STARD13: variants seen among roughly 807,000 people sequenced by gnomAD.
STARD13 encodes the protein stAR-related lipid transfer protein 13.
A neutral mutation model predicts 106.4 loss-of-function variants in STARD13; 62 were observed. The ratio of observed to expected loss-of-function variants is 0.58; its 90% CI spans 0.48 to 0.72. The LOEUF (loss-of-function observed/expected upper bound fraction) is 0.72. Among genes scored for constraint, STARD13 ranks in the 30% least tolerant of loss-of-function variants. The pLI is 0.00. For synonymous variants in STARD13, 565 were observed against 553.0 expected (o/e 1.02, Z -0.31); for missense variants, 1,387 against 1,424.0 (o/e 0.97, Z 0.42).
the STARD13 span, among the ~76,000 whole-genome samples, chr13:33,490,497 A>G: frequency 6.6e-6 from 1 of 152,268 alleles, no homozygotes. Context: ...CGGCAGAGAG[A>G]AAGAAGAGTA....
the STARD13 span, among the ~76,000 whole-genome samples, chr13:33,374,757 A>C: frequency 1.3e-5 from 2 of 152,152 alleles, no homozygotes; most frequent in African/African-American, 4.8e-5. Context: ...TGGAAGCTAA[A>C]ATCTTGGGGG....
At chr13:33,549,142 A>G in the STARD13 span, among the ~76,000 whole-genome samples, 50 of 152,338 alleles carry the variant, frequency 3.3e-4, no homozygotes, top group African/African-American at 1.1e-3. Flanking sequence ...AGTTCAGCAA[A>G]GGACATCTTG....
In STARD13 at chr13:33,295,922, C is replaced by A. The variant is rs2138446091; in HGVS notation, c.124+54368G>T. Reference sequence around the variant, plus strand: ...ATAAGACAGATTAGTATTCAAATCACCATGACAGGCCAGGCACAGTGGTTC... The same window carrying A: ...ATAAGACAGATTAGTATTCAAATCAACATGACAGGCCAGGCACAGTGGTTC... On this transcript the variant is annotated intron_variant, in intron 1 of 5. Coordinates refer to the STARD13 transcript ENST00000567873. 1.3e-5 allele frequency among the ~76,000 whole-genome samples: 2 copies of A among 151,918 alleles called. 1 individual carries two copies. Among genetic ancestry groups the A allele is most frequent in the South Asian group, 4.2e-4 (2 of 4,792 alleles).
At chr13:33,502,956 G>A in the STARD13 span, among the ~76,000 whole-genome samples, 1 of 152,182 alleles carries the variant, frequency 6.6e-6, no homozygotes, top group African/African-American at 2.4e-5. Flanking sequence ...CAGAAGGAAT[G>A]GTACCAGCTC....
intron 1 of STARD13, among the ~76,000 whole-genome samples, chr13:33,246,348 A>G (rs556294904): frequency 1.3e-5 from 2 of 152,240 alleles, no homozygotes; most frequent in South Asian, 4.1e-4. Context: ...CTTTCTATGC[A>G]CCTAATGTAC....
chr13:33,392,280 G>A, the STARD13 span, among the ~76,000 whole-genome samples: 4 of 152,178 alleles, frequency 2.6e-5, no homozygotes, highest in South Asian at 8.3e-4. Context: ...CAGGCTGGAT[G>A]TGTGGATGGG....
At position 33,130,184 on chromosome 13, in the gene STARD13, G is replaced by A; in HGVS notation, c.493C>T (p.Arg165Ter). 1.2e-6 allele frequency: 2 copies of A among 1,613,700 alleles called. No homozygotes were observed. Among genetic ancestry groups the A allele is most frequent in the Non-Finnish European group, 8.5e-7 (1 of 1,180,048 alleles). ...RVDDLYTLLPRGDRNGSPGGT... is the reference protein window; with the variant it reads ...RVDDLYTLLP Reference sequence around the variant, plus strand: ...CCCGGTGACCCATTTCTGTCTCCTCGAGGGAGCAGCGTGTAGAGGTCGTCC... The same window carrying A: ...CCCGGTGACCCATTTCTGTCTCCTCAAGGGAGCAGCGTGTAGAGGTCGTCC... The change falls in exon 5 of 14, where the codon CGA becomes TGA. Residue 165 changes from arginine to a stop codon, truncating the protein, a stop_gained. Transcript: ENST00000336934. LOFTEE classifies it high-confidence loss of function. This position sits in a 1 kb window ranked among gnomAD's most constrained non-coding sequence, Gnocchi z 4.1.
At chr13:33,607,028 C>A in the STARD13 span, among the ~76,000 whole-genome samples, 2 of 151,966 alleles carry the variant, frequency 1.3e-5, no homozygotes, top group South Asian at 4.2e-4. Flanking sequence ...TACCTTCATT[C>A]CTTTTGTCAC....
the STARD13 span, among the ~76,000 whole-genome samples, chr13:33,587,232 A>T: frequency 5.0e-4 from 76 of 151,306 alleles, no homozygotes; most frequent in African/African-American, 1.3e-3. Flanking sequence ...AAAAAAAAAA[A>T]ATTCTCTTAG....
the STARD13 span, among the ~76,000 whole-genome samples, chr13:33,428,454 A>T: frequency 6.6e-6 from 1 of 152,172 alleles, no homozygotes; most frequent in South Asian, 2.1e-4. Flanking sequence ...ATATAAAAGG[A>T]ACTCGAAAAA....
chr13:33,652,248 T>TAATTA, the STARD13 span, among the ~76,000 whole-genome samples: 1 of 152,190 alleles, frequency 6.6e-6, no homozygotes, highest in Admixed American at 6.5e-5. Context: ...TTCTCCCTCC[T>TAATTA]CAGCTTCAGC....
At chr13:33,653,429 A>G in the STARD13 span, among the ~76,000 whole-genome samples, 3 of 152,184 alleles carry the variant, frequency 2.0e-5, no homozygotes, top group African/African-American at 7.2e-5. Flanking sequence ...TAACGGGGGA[A>G]AGAAAAGCCT....
the STARD13 span, among the ~76,000 whole-genome samples, chr13:33,477,195 G>C: frequency 6.6e-6 from 1 of 152,178 alleles, no homozygotes. Context: ...CAATATCTAA[G>C]ACCAGGATTC....
At chr13:33,382,695 T>G in the STARD13 span, among the ~76,000 whole-genome samples, 1 of 152,184 alleles carries the variant, frequency 6.6e-6, no homozygotes, top group African/African-American at 2.4e-5. Flanking sequence ...CATTTGAAAT[T>G]ACAGAAAAAT....
chr13:33,485,643 C>T, the STARD13 span, among the ~76,000 whole-genome samples: 5 of 152,174 alleles, frequency 3.3e-5, no homozygotes, highest in Non-Finnish European at 7.4e-5. Context: ...TTCCCATTAT[C>T]ACTTGAAATT....
chr13:33,285,183 T>C (rs922036831), intron 1 of STARD13, among the ~76,000 whole-genome samples: 13 of 152,142 alleles, frequency 8.5e-5, no homozygotes, highest in Non-Finnish European at 1.5e-4. Flanking sequence ...ACACACTGAG[T>C]AACAGTTCTC....
At chr13:33,183,233 T>C (rs900749626) in intron 1 of STARD13, among the ~76,000 whole-genome samples, 2 of 152,214 alleles carry the variant, frequency 1.3e-5, no homozygotes, top group Non-Finnish European at 1.5e-5. Context: ...GTTGCCTTAT[T>C]TACTCTTTGT....
chr13:33,302,267 A>G (rs377554574), intron 1 of STARD13, among the ~76,000 whole-genome samples: 22 of 152,366 alleles, frequency 1.4e-4, no homozygotes, highest in African/African-American at 4.3e-4. Flanking sequence ...GTAAATAAAT[A>G]CAGAATTTGG....
the STARD13 span, among the ~76,000 whole-genome samples, chr13:33,363,267 C>T: frequency 6.6e-6 from 1 of 152,170 alleles, no homozygotes; most frequent in Non-Finnish European, 1.5e-5. Flanking sequence ...CTTTCAAAAC[C>T]TTCTCAGTAC....
Sources: gnomAD v4.1 joint callset for allele counts (sites outside exome capture counted in the v4.1 genomes callset) on GRCh38, gnomAD v4.1.1 for gene constraint, Gnocchi (gnomAD v3.1) non-coding constraint, MANE v1.5 for transcripts, NCBI Gene and HGNC (gene_info 2026-07-23, HGNC 2026-07-21) for gene names.